The following FRYL variants were observed in gnomAD, a reference collection of about 807,000 sequenced individuals.
FRYL encodes FRY like transcription coactivator.
Under a neutral mutation model 351.2 loss-of-function variants are expected in FRYL, and 150 were observed. The observed-to-expected ratio is 0.43, with a 90% confidence interval of 0.37 to 0.49. FRYL has a LOEUF of 0.49. FRYL is among the 20% of genes least tolerant of loss of function. FRYL has a pLI of 0.00. For missense variants in FRYL, 3,036 were observed against 3,619.3 expected (o/e 0.84, Z 4.13); for synonymous variants, 1,153 against 1,257.1 (o/e 0.92, Z 1.75).
chr4:48,688,141 A>G (rs562943498), intron 2 of FRYL, among the ~76,000 whole-genome samples: 9 of 152,224 alleles, frequency 5.9e-5, no homozygotes, highest in Non-Finnish European at 1.0e-4. Context: ...TTTCAACTAA[A>G]GCTAGAAACC....
At chr4:48,512,995 G>C (rs1722801731) in intron 56 of FRYL, among the ~76,000 whole-genome samples, 1 of 152,072 alleles carries the variant, frequency 6.6e-6, no homozygotes, top group Non-Finnish European at 1.5e-5. Flanking sequence ...CGATTAGAAT[G>C]CTTTCATTTT....
chr4:48,648,653 T>C (rs1441967486), intron 3 of FRYL, among the ~76,000 whole-genome samples: 1 of 152,148 alleles, frequency 6.6e-6, no homozygotes, highest in Non-Finnish European at 1.5e-5. Flanking sequence ...AATTTATCAA[T>C]TGAAGAATGG....
intron 1 of FRYL, among the ~76,000 whole-genome samples, chr4:48,713,460 C>G (rs55775796): frequency 5.3e-5 from 8 of 151,810 alleles, no homozygotes; most frequent in African/African-American, 7.3e-5. Context: ...AAAAAGGCAG[C>G]GGTTGCAATC....
rs201650552 is a variant in FRYL at position 48,589,244 on chromosome 4, T to C, written c.1640+501A>G. Among the ~76,000 whole-genome samples, 40 of 152,078 alleles carry C rather than the reference T, an allele frequency of 2.6e-4. 2 individuals are homozygous for C. In the East Asian group the frequency reaches 5.8e-3, roughly 22 times the overall value. On this transcript the variant is annotated intron_variant, in intron 18 of 63. Coordinates refer to ENST00000358350, the MANE Select transcript of FRYL (RefSeq NM_015030.2). ...ACAATAAGAAAAAAAGATGCAGAGA[T>C]GACAAATAATGACAAGGCCCTTGGG...
chr4:48,741,652 C>T (rs980622074), intron 1 of FRYL, among the ~76,000 whole-genome samples: 7 of 151,984 alleles, frequency 4.6e-5, no homozygotes, highest in Admixed American at 2.0e-4. Flanking sequence ...ACCGAAATGG[C>T]GCCACTATAC....
At chr4:48,531,406 GA>G in intron 49 of FRYL, 53 bp from the exon 50 acceptor site, 1 of 1,111,330 alleles carries the variant, frequency 9.0e-7, no homozygotes, top group Non-Finnish European at 1.4e-6. Context: ...ATTCAACTAA[GA>G]ACAACAATTT....
chr4:48,690,197 G>C (rs887984591), intron 2 of FRYL, among the ~76,000 whole-genome samples: 1 of 151,834 alleles, frequency 6.6e-6, no homozygotes, highest in Non-Finnish European at 1.5e-5. Flanking sequence ...GAGCCACCGC[G>C]CCCGGCCAGT....
At chr4:48,736,450 C>A (rs963023298) in intron 1 of FRYL, among the ~76,000 whole-genome samples, 16 of 151,912 alleles carry the variant, frequency 1.1e-4, no homozygotes, top group Admixed American at 9.8e-4. Flanking sequence ...AAGCTTCTAG[C>A]AGGTTAACTA....
chr4:48,706,587 G>A (rs1465021458), intron 2 of FRYL, among the ~76,000 whole-genome samples: 1 of 152,206 alleles, frequency 6.6e-6, no homozygotes, highest in Non-Finnish European at 1.5e-5. Flanking sequence ...ACAACAATGT[G>A]AATGTATGTA....
intron 55 of FRYL, among the ~76,000 whole-genome samples, chr4:48,516,436 G>A (rs1440229575): frequency 6.6e-6 from 1 of 152,058 alleles, no homozygotes; most frequent in East Asian, 1.9e-4. Context: ...TTAGTTTATT[G>A]GTTTAATCAA....
intron 3 of FRYL, among the ~76,000 whole-genome samples, chr4:48,663,433 C>T (rs949124994): frequency 2.0e-5 from 3 of 150,468 alleles, no homozygotes; most frequent in Admixed American, 1.3e-4. Flanking sequence ...GAAAGAAAAG[C>T]GGGTGGGGAA....
At chr4:48,717,906 C>T (rs950234425) in intron 1 of FRYL, among the ~76,000 whole-genome samples, 1 of 151,564 alleles carries the variant, frequency 6.6e-6, no homozygotes, top group African/African-American at 2.4e-5. Flanking sequence ...AAAGCTGCTA[C>T]TTTTTAAAAA....
At chr4:48,521,961 C>T (rs766912342) in intron 54 of FRYL, among the ~76,000 whole-genome samples, 12 of 152,058 alleles carry the variant, frequency 7.9e-5, no homozygotes, top group Non-Finnish European at 1.3e-4. Context: ...ACCAGCAGGC[C>T]GAGTGGAGCA....
chr4:48,710,563 C>A lies in FRYL; in HGVS notation c.-248G>T. 2.5e-6 allele frequency: 1 copy of A among 398,526 alleles called. No homozygotes were observed. Among genetic ancestry groups the A allele is most frequent in the Non-Finnish European group, 4.4e-6 (1 of 226,056 alleles). 24.7% of individuals were successfully genotyped at this position (398,526 alleles called of 1,614,324 possible). On this transcript the variant is annotated 5_prime_UTR_variant, in exon 2 of 64. Transcript: ENST00000358350. Reference sequence around the variant, plus strand: ...AGGCACAGAGTTTGTAGAAAAGACACCAAGTTTGGAAAGGATCCATCTAGA... The same window carrying A: ...AGGCACAGAGTTTGTAGAAAAGACAACAAGTTTGGAAAGGATCCATCTAGA...
At chr4:48,730,554 G>A (rs936814088) in intron 1 of FRYL, among the ~76,000 whole-genome samples, 1 of 152,196 alleles carries the variant, frequency 6.6e-6, no homozygotes, top group African/African-American at 2.4e-5. Context: ...AACCCTACAA[G>A]CCAGAAGACA....
chr4:48,701,669 TGTCAATAGACA>T (rs1016739877), intron 2 of FRYL, among the ~76,000 whole-genome samples: 7 of 152,200 alleles, frequency 4.6e-5, no homozygotes, highest in Non-Finnish European at 8.8e-5. Flanking sequence ...AACTAATCCT[TGTCAATAGACA>T]GACTATTACA....
intron 3 of FRYL, 80 bp from the exon 4 acceptor site, chr4:48,634,570 T>C (rs1753861996): frequency 1.8e-6 from 2 of 1,108,868 alleles, no homozygotes; most frequent in Admixed American, 2.3e-5. Context: ...ATTTAATTTG[T>C]AAGCTGCCTC....
intron 9 of FRYL, among the ~76,000 whole-genome samples, chr4:48,606,960 G>A (rs1746967986): frequency 6.6e-6 from 1 of 152,062 alleles, no homozygotes. Flanking sequence ...CAACTTTTAA[G>A]GCTCTTTTTA....
chr4:48,499,717 A>C (rs373265258), intron 63 of FRYL, 37 bp from the exon 64 acceptor site: 90 of 1,599,026 alleles, frequency 5.6e-5, no homozygotes, highest in Non-Finnish European at 7.3e-5. Flanking sequence ...TCTGAGACTT[A>C]GGCAATAGTT....
Sources: allele counts gnomAD v4.1 joint callset (sites outside exome capture counted in the v4.1 genomes callset), GRCh38; gene constraint gnomAD v4.1.1; transcripts MANE v1.5; gene names NCBI Gene and HGNC (gene_info 2026-07-23, HGNC 2026-07-21).